MICU3: variants seen among roughly 807,000 people sequenced by gnomAD.
The protein encoded by MICU3 is calcium uptake protein 3, mitochondrial.
A neutral mutation model predicts 66.5 loss-of-function variants in MICU3; 62 were observed. The ratio of observed to expected loss-of-function variants is 0.93; its 90% confidence interval spans 0.76 to 1.15. MICU3 has a LOEUF of 1.15. Ranked by LOEUF, MICU3 falls within the 50% of genes most tolerant of loss-of-function variation. The probability of loss-of-function intolerance (pLI) is 0.00; values close to 1 mark genes in which losing one functional copy is unlikely to be tolerated. For missense variants in MICU3, 779 were observed against 664.4 expected, an observed-to-expected ratio of 1.17 and a Z score of -1.90; for synonymous variants, 308 against 240.7, an observed-to-expected ratio of 1.28 and a Z score of -2.59.
At chr8:17,054,787 G>A (rs941386784) in intron 1 of MICU3, among the ~76,000 whole-genome samples, 1 of 137,638 alleles carries the variant, frequency 7.3e-6, no homozygotes, top group Non-Finnish European at 1.5e-5. Flanking sequence ...TCGCCAGGCT[G>A]GAGTGCAGTG....
intron 8 of MICU3, among the ~76,000 whole-genome samples, chr8:17,092,159 A>C (rs940725010): frequency 1.3e-5 from 2 of 152,024 alleles, no homozygotes; most frequent in Non-Finnish European, 2.9e-5. Flanking sequence ...TACACGCGTG[A>C]GCTACTGTGC....
At chr8:17,086,390 T>C (rs914887879) in intron 6 of MICU3, among the ~76,000 whole-genome samples, 1 of 152,100 alleles carries the variant, frequency 6.6e-6, no homozygotes, top group Non-Finnish European at 1.5e-5. Flanking sequence ...GCTTAAACTC[T>C]CACCCACGCA....
At position 17,027,617 on chromosome 8, in the gene MICU3, G is replaced by A; in HGVS notation, c.338G>A (p.Gly113Asp). The change falls in exon 1 of 15, where the codon GGC (glycine) becomes GAC (aspartate). Residue 113 changes from glycine to aspartate, a missense_variant. Gly to Asp is a moderately conservative substitution (Grantham distance 94). Transcript: ENST00000318063. ...AATEPEDPPR[G>D]RGMLPIPVAA... is the part of the protein sequence containing the mutation. ...ACGGAGCCCGAGGACCCGCCCCGCG[G>A]CCGGGGGATGCTGCCCATCCCAGTG... 7.6e-7 allele frequency: 1 copy of A among 1,310,548 alleles called. No individual in the cohort carries two copies. 81.2% of individuals were successfully genotyped at this position (1,310,548 alleles called of 1,614,324 possible).
At chr8:17,058,078 G>A (rs945588835) in intron 1 of MICU3, among the ~76,000 whole-genome samples, 3 of 152,108 alleles carry the variant, frequency 2.0e-5, no homozygotes, top group African/African-American at 7.2e-5. Flanking sequence ...TCGAACTCCT[G>A]ACCGCAGGTG....
chr8:17,120,604 T>G lies in MICU3; in HGVS notation c.*317T>G, dbSNP rs551160810. On this transcript the variant is annotated 3_prime_UTR_variant, in exon 15 of 15. Transcript: ENST00000318063. Reference sequence around the variant, plus strand: ...CTACATATGAATGTACTTTCAATATTATTTTTTTATTTATTCATTAGAAAT... The same window carrying G: ...CTACATATGAATGTACTTTCAATATGATTTTTTTATTTATTCATTAGAAAT... 126 of 152,622 alleles carry G rather than the reference T, an allele frequency of 8.3e-4. No homozygotes were observed. Among genetic ancestry groups the G allele is most frequent in the African/African-American group, 2.9e-3 (121 of 41,570 alleles). 9.5% of individuals were successfully genotyped at this position (152,622 alleles called of 1,614,324 possible). A position where few individuals can be genotyped will look rare whatever the true frequency, so the allele number is the denominator to read the frequency against.
chr8:17,069,708 CT>C lies in MICU3; in HGVS notation c.559del (p.Ser187ProfsTer5). ...EPKVAKTWKS[L>X]SKQELNQMLA... ...TTTAGTTGCCAAAACTTGGAAGTCACTTTCCAAACAGGTGAGTTAAAGCTCT... is the reference window on the plus strand; with the variant it reads ...TTTAGTTGCCAAAACTTGGAAGTCACTTCCAAACAGGTGAGTTAAAGCTCT... On this transcript the variant is annotated frameshift_variant, in exon 3 of 15. Coordinates refer to ENST00000318063, the MANE Select transcript of MICU3 (RefSeq NM_181723.3). LOFTEE classifies it high-confidence loss of function. The C allele has an allele frequency of 1.3e-6, 2 of 1,544,962 alleles. No individual in the cohort carries two copies. Among genetic ancestry groups the C allele is most frequent in the South Asian group, 1.3e-5 (1 of 79,232 alleles).
intron 5 of MICU3, among the ~76,000 whole-genome samples, chr8:17,084,324 G>A (rs963143338): frequency 5.3e-5 from 8 of 152,116 alleles, no homozygotes; most frequent in African/African-American, 1.9e-4. Context: ...CATGCAACAA[G>A]TGAGCTTGCA....
chr8:17,033,959 A>T (rs1031949426), intron 1 of MICU3, among the ~76,000 whole-genome samples: 1 of 152,180 alleles, frequency 6.6e-6, no homozygotes, highest in Non-Finnish European at 1.5e-5. Context: ...CAGATTTTCA[A>T]TAGAGATGAA....
intron 8 of MICU3, among the ~76,000 whole-genome samples, chr8:17,097,185 G>A (rs1800798552): frequency 6.6e-6 from 1 of 151,560 alleles, no homozygotes; most frequent in African/African-American, 2.4e-5. Flanking sequence ...CAAAATATGT[G>A]AATAATATTT....
chr8:17,116,833 T>TA (rs1554540334), intron 13 of MICU3, among the ~76,000 whole-genome samples: 1 of 152,218 alleles, frequency 6.6e-6, no homozygotes, highest in Non-Finnish European at 1.5e-5. Context: ...TTTATTTTCA[T>TA]AGTCAGTCTA....
Position 17,081,781 on chromosome 8 carries a change from T to C in MICU3, c.694+41T>C, listed in dbSNP as rs201471802. On this transcript the variant is annotated intron_variant, in intron 5 of 14. Coordinates refer to ENST00000318063, the MANE Select transcript of MICU3 (RefSeq NM_181723.3). The stretch of plus-strand genomic sequence containing the variant: ...GCTTTTATTTCTGGATGCAGCTTTA[T>C]TTTTTAAACGAATCTTGGAAAGCAG... 8.4e-6 allele frequency: 7 copies of C among 837,454 alleles called. No homozygotes were observed. In the East Asian group the frequency reaches 2.2e-4, roughly 26 times the overall value. 51.9% of individuals were successfully genotyped at this position (837,454 alleles called of 1,614,324 possible).
rs190786545 is a variant in MICU3 at position 17,070,218 on chromosome 8, G to A, written c.567+499G>A. Among the ~76,000 whole-genome samples, 3 of 151,978 alleles carry A rather than the reference G, an allele frequency of 2.0e-5. No homozygotes were observed. The East Asian group carries it at 5.8e-4, about 29-fold the overall frequency. On this transcript the variant is annotated intron_variant, in intron 3 of 14. Transcript: ENST00000318063. Reference sequence around the variant, plus strand: ...ACAAGAATGTTTATAGATTATATATGATGGCCCCAAAACTTTAATATATCA... The same window carrying A: ...ACAAGAATGTTTATAGATTATATATAATGGCCCCAAAACTTTAATATATCA...
At chr8:17,071,444 G>T (rs952008984) in intron 3 of MICU3, among the ~76,000 whole-genome samples, 6 of 151,992 alleles carry the variant, frequency 3.9e-5, no homozygotes, top group African/African-American at 1.2e-4. Context: ...CAGTCATATT[G>T]GATTAGGGCT....
At chr8:17,040,168 G>T (rs1411920671) in intron 1 of MICU3, among the ~76,000 whole-genome samples, 1 of 151,982 alleles carries the variant, frequency 6.6e-6, no homozygotes, top group African/African-American at 2.4e-5. Context: ...TCGGCCTCCC[G>T]AAGTGTTGGG....
At position 17,104,375 on chromosome 8, in the gene MICU3, G is replaced by C. The variant is rs750701200; in HGVS notation, c.985-16G>C. 2.3e-6 allele frequency: 3 copies of C among 1,305,808 alleles called. No individual in the cohort carries two copies. Among genetic ancestry groups the C allele is most frequent in the Non-Finnish European group, 3.0e-6 (3 of 987,836 alleles). The allele number at this position is 1,305,808 out of a possible 1,614,324, so 80.9% of individuals were successfully genotyped here. ...TTTTATTGAAGCTAACTTTTAAATT[G>C]TGATTTTTTTTTAAGCGTGCTGATG... On this transcript the variant is annotated splice_polypyrimidine_tract_variant and intron_variant, in intron 9 of 14. Coordinates refer to ENST00000318063, the MANE Select transcript of MICU3 (RefSeq NM_181723.3).
At chr8:17,059,208 A>G (rs1455660531) in intron 1 of MICU3, among the ~76,000 whole-genome samples, 1 of 152,202 alleles carries the variant, frequency 6.6e-6, no homozygotes, top group Admixed American at 6.5e-5. Flanking sequence ...CTCACCCAAC[A>G]CATTTTAAAT....
chr8:17,107,750 G>C (rs912744266), intron 11 of MICU3, among the ~76,000 whole-genome samples: 1 of 152,148 alleles, frequency 6.6e-6, no homozygotes, highest in African/African-American at 2.4e-5. Flanking sequence ...TACAGAAAAA[G>C]TTTGTGAACC....
chr8:17,114,752 C>T (rs1802523792), intron 12 of MICU3, among the ~76,000 whole-genome samples: 1 of 152,152 alleles, frequency 6.6e-6, no homozygotes, highest in South Asian at 2.1e-4. Context: ...AAACTTCTTG[C>T]CCTATGGGGA....
chr8:17,114,342 G>A, intron 12 of MICU3, 141 bp downstream of exon 12: 1 of 558,006 alleles, frequency 1.8e-6, no homozygotes, highest in East Asian at 3.0e-5. Context: ...TGACAAGTCA[G>A]TTCTGGTACT....
Sources: allele counts gnomAD v4.1 joint callset (sites outside exome capture counted in the v4.1 genomes callset), GRCh38; gene constraint gnomAD v4.1.1; transcripts MANE v1.5; gene names NCBI Gene and HGNC (gene_info 2026-07-23, HGNC 2026-07-21).